Variants in KIZ observed in about 807,000 individuals in gnomAD.
The protein encoded by KIZ is centrosomal protein kizuna.
Under a neutral mutation model 79.6 loss-of-function variants are expected in KIZ, and 68 were observed. That is an observed-to-expected ratio of 0.85 (90% CI 0.70 to 1.05). The LOEUF is 1.05. Ranked by LOEUF, KIZ falls within the 50% of genes least tolerant of loss-of-function variation. The pLI is 0.00. For synonymous variants in KIZ, 280 were observed against 281.8 expected (o/e 0.99, Z 0.06); for missense variants, 797 against 800.4 (o/e 1.00, Z 0.05).
chr20:21,150,642 G>A (rs980372402), intron 4 of KIZ, among the ~76,000 whole-genome samples: 3 of 152,102 alleles, frequency 2.0e-5, no homozygotes, highest in Admixed American at 1.3e-4. Context: ...AAATTAACCC[G>A]AATTACACAA....
chr20:21,239,196 G>GA lies in KIZ; in HGVS notation c.1881-5047dup, dbSNP rs2123493405. ...GAAAACTGGTGCTTGGAGAGGTAGG[G>GA]AACTTGCCCAGGATCATGCAGTGAG... On this transcript the variant is annotated intron_variant, in intron 11 of 12. Coordinates refer to ENST00000619189, the MANE Select transcript of KIZ (RefSeq NM_018474.6). 1.3e-5 allele frequency among the ~76,000 whole-genome samples: 2 copies of GA among 152,292 alleles called. 1 individual carries two copies. The highest frequency in any genetic ancestry group is 4.1e-4 in the South Asian group (2 of 4,822).
chr20:21,228,395 G>A (rs774796054), intron 9 of KIZ, among the ~76,000 whole-genome samples: 1 of 152,180 alleles, frequency 6.6e-6, no homozygotes, highest in Non-Finnish European at 1.5e-5. Flanking sequence ...AGCCCTGCAT[G>A]GCCAAGAGCA....
Position 21,145,572 on chromosome 20 carries a change from A to G in KIZ, c.323A>G (p.Tyr108Cys). Residue 108 changes from tyrosine (Y) to cysteine (C), a missense_variant, in exon 4 of 13, where the codon TAT (tyrosine) becomes TGT (cysteine). Physicochemically the swap from Tyr to Cys is radical, Grantham distance 194. Coordinates refer to ENST00000619189, the MANE Select transcript of KIZ (RefSeq NM_018474.6). ...AACTTTCTTTATATTTAGCTCGAAT[A>G]TGAGACTCAAATTAAGAAGATGCTA... ...TEKLQKLKLE[Y>C]ETQIKKMLCS... The G allele has an allele frequency of 6.8e-7, 1 of 1,480,422 alleles. No individual in the cohort carries two copies. The highest frequency in any genetic ancestry group is 9.2e-7 in the Non-Finnish European group (1 of 1,090,828). 91.7% of individuals were successfully genotyped at this position (1,480,422 alleles called of 1,614,324 possible). A position where few individuals can be genotyped will look rare whatever the true frequency, so the allele number is the denominator to read the frequency against.
chr20:21,236,695 TA>T (rs891750679), intron 11 of KIZ, among the ~76,000 whole-genome samples: 1 of 151,688 alleles, frequency 6.6e-6, no homozygotes, highest in Non-Finnish European at 1.5e-5. Flanking sequence ...TTTCTTTTTT[TA>T]AAAAAATGAT....
intron 9 of KIZ, among the ~76,000 whole-genome samples, chr20:21,222,886 T>A (rs2123376349): frequency 1.3e-5 from 2 of 152,340 alleles, no homozygotes; most frequent in Middle Eastern, 6.8e-3. Context: ...TAAGGTCACG[T>A]TCTGAGGTTC....
chr20:21,166,281 GGTT>G, intron 6 of KIZ: 3 of 1,601,274 alleles, frequency 1.9e-6, no homozygotes, highest in Middle Eastern at 2.3e-4. Context: ...TGCCAGCTGA[GGTT>G]GTCAGTACAA....
At chr20:21,143,316 G>A (rs1004334991) in intron 3 of KIZ, among the ~76,000 whole-genome samples, 1 of 151,532 alleles carries the variant, frequency 6.6e-6, no homozygotes, top group Non-Finnish European at 1.5e-5. Context: ...GTGCAACCCT[G>A]AAAAACAATG....
rs557092480 is a variant in KIZ, at chr20:21,184,433, A to C, written c.1353-21058A>C. ...CCAAAGGGCTGGGATTACAGGCGTGAGCCACCACGCCCGGTCCCCTGACTT... is the reference window on the plus strand; with the variant it reads ...CCAAAGGGCTGGGATTACAGGCGTGCGCCACCACGCCCGGTCCCCTGACTT... On this transcript the variant is annotated intron_variant, in intron 6 of 12. Coordinates refer to ENST00000619189, the MANE Select transcript of KIZ (RefSeq NM_018474.6). Among the ~76,000 whole-genome samples, 4 of 152,306 alleles carry C rather than the reference A, an allele frequency of 2.6e-5. No individual in the cohort carries two copies. In the South Asian group the frequency reaches 8.3e-4, roughly 32 times the overall value.
intron 3 of KIZ, chr20:21,144,055 G>T (rs1352695084): frequency 6.6e-6 from 1 of 152,122 alleles, no homozygotes; most frequent in East Asian, 1.9e-4. Context: ...ATTGAGAGCA[G>T]TCTAAATTGG....
At chr20:21,209,028 A>G (rs894838937) in intron 7 of KIZ, among the ~76,000 whole-genome samples, 1 of 152,238 alleles carries the variant, frequency 6.6e-6, no homozygotes. Context: ...ACTAGAAACT[A>G]CTTGGTTAAG....
intron 12 of KIZ, chr20:21,244,966 T>C (rs956298948): frequency 6.6e-6 from 1 of 152,558 alleles, no homozygotes; most frequent in African/African-American, 2.4e-5. Flanking sequence ...GAGTTCCTTT[T>C]CCTTTTCCTC....
At chr20:21,176,291 G>C (rs2103975) in intron 6 of KIZ, among the ~76,000 whole-genome samples, 88,758 of 151,952 alleles carry the variant, frequency 0.58, 27,597 homozygotes, top group South Asian at 0.78. Flanking sequence ...TCCTCAGTGA[G>C]AGAGTGAGAC....
chr20:21,132,930 A>C (rs2122321155), intron 2 of KIZ: 1 of 152,360 alleles, frequency 6.6e-6, no homozygotes, highest in South Asian at 2.1e-4. Context: ...TAAGCAGTGA[A>C]TAATATATTG....
chr20:21,166,557 T>C (rs1046180878), intron 6 of KIZ: 7 of 1,442,842 alleles, frequency 4.9e-6, no homozygotes, highest in Non-Finnish European at 6.7e-6. Context: ...GCATTGTTGA[T>C]GGTCTTGAGA....
intron 4 of KIZ, among the ~76,000 whole-genome samples, chr20:21,152,750 C>T (rs2033182051): frequency 6.6e-6 from 1 of 152,140 alleles, no homozygotes; most frequent in South Asian, 2.1e-4. Context: ...GTGAAAGTTA[C>T]CTGCTGTCAC....
At chr20:21,152,970 T>C (rs535780558) in intron 4 of KIZ, among the ~76,000 whole-genome samples, 14 of 152,322 alleles carry the variant, frequency 9.2e-5, no homozygotes, top group Admixed American at 8.5e-4. Flanking sequence ...TTTTAAAAGC[T>C]GTGGTTCAGT....
chr20:21,185,714 CTTT>C (rs34999241), intron 6 of KIZ, among the ~76,000 whole-genome samples: 1 of 138,394 alleles, frequency 7.2e-6, no homozygotes, highest in African/African-American at 2.6e-5. Context: ...CCCAACCCTA[CTTT>C]TTTTTTTTTT....
chr20:21,145,507 C>A, intron 3 of KIZ, 58 bp from the exon 4 acceptor site: 1 of 785,480 alleles, frequency 1.3e-6, no homozygotes, highest in Non-Finnish European at 2.1e-6. Flanking sequence ...CCGCAGTATA[C>A]AGACAGGTGC....
At chr20:21,128,531 C>T (rs750233724) in intron 1 of KIZ, among the ~76,000 whole-genome samples, 1 of 152,170 alleles carries the variant, frequency 6.6e-6, no homozygotes, top group Non-Finnish European at 1.5e-5. Context: ...GTCAAATAAC[C>T]AGCATATTTC....
Sources: allele counts gnomAD v4.1 joint callset (sites outside exome capture counted in the v4.1 genomes callset), GRCh38; gene constraint gnomAD v4.1.1; transcripts MANE v1.5; gene names NCBI Gene and HGNC (gene_info 2026-07-23, HGNC 2026-07-21).